Variants in PCDHA11 observed in about 807,000 individuals in gnomAD.
The protein encoded by PCDHA11 is protocadherin alpha-11.
In PCDHA11, 61 loss-of-function variants were observed where a neutral mutation model predicts 70.3. The observed-to-expected ratio is 0.87, with a 90% confidence interval of 0.71 to 1.07. PCDHA11 has a LOEUF of 1.07. Among genes scored for constraint, PCDHA11 ranks in the 50% least tolerant of loss-of-function variants. PCDHA11 has a pLI of 0.00. For synonymous variants in PCDHA11, 633 were observed against 555.1 expected (o/e 1.14, Z -1.97); for missense variants, 1,324 against 1,237.5 (o/e 1.07, Z -1.05).
chr5:140,953,187 T>A (rs2094856489), intron 1 of PCDHA11, among the ~76,000 whole-genome samples: 1 of 152,148 alleles, frequency 6.6e-6, no homozygotes, highest in South Asian at 2.1e-4. Flanking sequence ...AGAATAAACT[T>A]GATTAGACTA....
intron 1 of PCDHA11, among the ~76,000 whole-genome samples, chr5:140,888,383 C>T (rs1279773489): frequency 3.9e-5 from 6 of 152,170 alleles, no homozygotes; most frequent in African/African-American, 1.4e-4. Flanking sequence ...CTCTGAGATG[C>T]TGCTAAACAC....
intron 1 of PCDHA11, chr5:140,875,357 C>T: frequency 1.4e-6 from 2 of 1,446,712 alleles, no homozygotes; most frequent in South Asian, 1.5e-5. Flanking sequence ...GACTGTGATG[C>T]TGGAAAAAAT....
In PCDHA11 at chr5:140,979,814, T is replaced by C. The variant is rs1296773498; in HGVS notation, c.2450+807T>C. 3.3e-5 allele frequency among the ~76,000 whole-genome samples: 5 copies of C among 152,232 alleles called. No homozygotes were observed. The South Asian group carries it at 8.3e-4, about 25-fold the overall frequency. On this transcript the variant is annotated intron_variant, in intron 2 of 3. Transcript: ENST00000398640. The stretch of plus-strand genomic sequence containing the variant: ...CAAATGATCACAACTATCAAAAGGA[T>C]TTAATTTTAAAGAAGAAATAATCTT...
At chr5:140,871,653 C>A in intron 1 of PCDHA11, 159 bp downstream of exon 1, 1 of 1,244,246 alleles carries the variant, frequency 8.0e-7, no homozygotes, top group Non-Finnish European at 1.1e-6. Context: ...CCAAATGATA[C>A]ACATCTTCAG....
At position 140,869,014 on chromosome 5, in the gene PCDHA11, T is replaced by C. The variant is rs929309556; in HGVS notation, c.-90T>C. ...CGTTTAAGGATCCTTTGAAACTTCT[T>C]AAGAATTCAACGAGATTTTTAACCT... On this transcript the variant is annotated 5_prime_UTR_variant, in exon 1 of 4. Coordinates refer to ENST00000398640, the MANE Select transcript of PCDHA11 (RefSeq NM_018902.5). The C allele has an allele frequency of 3.3e-6, 5 of 1,524,414 alleles. No individual in the cohort carries two copies. Among genetic ancestry groups the C allele is most frequent in the Admixed American group, 2.2e-5 (1 of 44,446 alleles). 94.4% of individuals were successfully genotyped at this position (1,524,414 alleles called of 1,614,324 possible).
chr5:140,927,706 C>G lies in PCDHA11; in HGVS notation c.2392-51243C>G, dbSNP rs1584519766. The G allele has an allele frequency of 1.2e-6, 2 of 1,614,108 alleles. No homozygotes were observed. Among genetic ancestry groups the G allele is most frequent in the African/African-American group, 2.7e-5 (2 of 74,940 alleles). Reference sequence around the variant, plus strand: ...GTCCAATGGGGAAGTCCAGTACTCCCTAAGCAACAGCACGCAAGCAGAGCT... The same window carrying G: ...GTCCAATGGGGAAGTCCAGTACTCCGTAAGCAACAGCACGCAAGCAGAGCT... On this transcript the variant is annotated intron_variant, in intron 1 of 3. Coordinates refer to ENST00000398640, the MANE Select transcript of PCDHA11 (RefSeq NM_018902.5).
intron 1 of PCDHA11, among the ~76,000 whole-genome samples, chr5:140,916,262 G>A: frequency 6.6e-6 from 1 of 152,202 alleles, no homozygotes; most frequent in East Asian, 1.9e-4. Flanking sequence ...GACCCCAAGA[G>A]CATGCTTGTT....
At chr5:140,908,384 C>T (rs573373685) in intron 1 of PCDHA11, among the ~76,000 whole-genome samples, 2 of 152,172 alleles carry the variant, frequency 1.3e-5, no homozygotes, top group African/African-American at 2.4e-5. Flanking sequence ...TGCTCGAGCC[C>T]GATCACATAT....
At chr5:140,906,766 C>T (rs1162031965) in intron 1 of PCDHA11, among the ~76,000 whole-genome samples, 1 of 152,224 alleles carries the variant, frequency 6.6e-6, no homozygotes, top group African/African-American at 2.4e-5. Flanking sequence ...TACTAAGAGA[C>T]ACCCTAAGGG....
chr5:140,905,991 G>C (rs1377300111), intron 1 of PCDHA11, among the ~76,000 whole-genome samples: 1 of 152,156 alleles, frequency 6.6e-6, no homozygotes, highest in Non-Finnish European at 1.5e-5. Flanking sequence ...AAAGATGTAG[G>C]CTGGGAGGCT....
At chr5:140,882,435 T>C in intron 1 of PCDHA11, 2 of 1,614,036 alleles carry the variant, frequency 1.2e-6, no homozygotes, top group East Asian at 4.5e-5. Context: ...GGGCTGGAGC[T>C]GGCGGAGCTG....
intron 1 of PCDHA11, chr5:140,967,981 G>C: frequency 6.2e-7 from 1 of 1,614,202 alleles, no homozygotes; most frequent in Non-Finnish European, 8.5e-7. Flanking sequence ...TGGGTCTGGA[G>C]GCCACACTGC....
At chr5:140,919,876 G>A (rs2079336654) in intron 1 of PCDHA11, among the ~76,000 whole-genome samples, 1 of 152,174 alleles carries the variant, frequency 6.6e-6, no homozygotes, top group Non-Finnish European at 1.5e-5. Flanking sequence ...AGTCTTTGAA[G>A]ACATAATTAT....
intron 1 of PCDHA11, among the ~76,000 whole-genome samples, chr5:140,916,217 A>T (rs1050976167): frequency 6.6e-6 from 1 of 152,132 alleles, no homozygotes; most frequent in Non-Finnish European, 1.5e-5. Context: ...GGAAGATCCA[A>T]ATATGCTTTC....
chr5:140,877,727 A>C, intron 1 of PCDHA11: 1 of 1,614,136 alleles, frequency 6.2e-7, no homozygotes, highest in South Asian at 1.1e-5. Flanking sequence ...TCTTACTCGC[A>C]GCAGAGGAGG....
chr5:140,927,086 A>G (rs2083826085), intron 1 of PCDHA11: 5 of 1,612,296 alleles, frequency 3.1e-6, no homozygotes, highest in Non-Finnish European at 3.4e-6. Context: ...CGCGAGCTCT[A>G]CTTCGGGGTG....
chr5:140,985,929 CG>C (rs2097179106), intron 3 of PCDHA11, among the ~76,000 whole-genome samples: 1 of 151,796 alleles, frequency 6.6e-6, no homozygotes, highest in Non-Finnish European at 1.5e-5. Flanking sequence ...TTAGTAGAGC[CG>C]GGGTTTCACT....
chr5:140,877,389 G>A (rs1554169667), intron 1 of PCDHA11: 3 of 1,613,994 alleles, frequency 1.9e-6, no homozygotes, highest in South Asian at 1.1e-5. Flanking sequence ...TCCTGGATGA[G>A]GCGGACGCTC....
intron 1 of PCDHA11, among the ~76,000 whole-genome samples, chr5:140,893,943 G>C (rs550475): frequency 0.54 from 81,510 of 151,914 alleles, 22,066 homozygotes; most frequent in African/African-American, 0.61. Flanking sequence ...TGTTAATTCT[G>C]CATGACTTTA....
Sources: allele counts gnomAD v4.1 joint callset (sites outside exome capture counted in the v4.1 genomes callset), GRCh38; gene constraint gnomAD v4.1.1; transcripts MANE v1.5; gene names NCBI Gene and HGNC (gene_info 2026-07-23, HGNC 2026-07-21).